The following DLG2 variants were observed in gnomAD, a reference collection of about 807,000 sequenced individuals.
DLG2 encodes disks large homolog 2.
A neutral mutation model predicts 132.5 loss-of-function variants in DLG2; 45 were observed. The ratio of observed to expected loss-of-function variants is 0.34; its 90% CI spans 0.27 to 0.44. The LOEUF (loss-of-function observed/expected upper bound fraction) is 0.44, where lower values mean the gene tolerates loss of function less well. DLG2 is among the 20% of genes least tolerant of loss of function. The pLI is 1.00. For missense variants in DLG2, 1,045 were observed against 1,196.9 expected (o/e 0.87, Z 1.87); for synonymous variants, 424 against 419.6 (o/e 1.01, Z -0.13).
chr11:83,590,348 G>T (rs564030625), intron 19 of DLG2, among the ~76,000 whole-genome samples: 7 of 152,072 alleles, frequency 4.6e-5, no homozygotes, highest in Non-Finnish European at 7.4e-5. Flanking sequence ...ACTCAAAACC[G>T]CTCAACTACA....
chr11:85,487,592 T>G lies in DLG2; in HGVS notation c.40+111065A>C, dbSNP rs181546794. Among the ~76,000 whole-genome samples, 10 of 151,922 alleles carry G rather than the reference T, an allele frequency of 6.6e-5. No homozygotes were observed. In the East Asian group the frequency reaches 1.9e-3, roughly 29 times the overall value. ...CAAGCAGAAGAAACAATTTCATAAC[T>G]TGAAGACAGGTATTTTGAAATAATC... On this transcript the variant is annotated intron_variant, in intron 3 of 27. Coordinates refer to ENST00000376104, the MANE Select transcript of DLG2 (RefSeq NM_001142699.3).
intron 6 of DLG2, among the ~76,000 whole-genome samples, chr11:84,871,349 C>T (rs1328479056): frequency 6.6e-6 from 1 of 152,134 alleles, no homozygotes; most frequent in Non-Finnish European, 1.5e-5. Context: ...CTCAGGACTT[C>T]CAGAAAGCAT....
intron 6 of DLG2, among the ~76,000 whole-genome samples, chr11:85,040,163 C>T (rs1035896670): frequency 6.6e-6 from 1 of 151,904 alleles, no homozygotes; most frequent in African/African-American, 2.4e-5. Flanking sequence ...CCCTGGGTTG[C>T]ATTTTCCCCT....
intron 4 of DLG2, among the ~76,000 whole-genome samples, chr11:85,239,465 C>G (rs2075767820): frequency 6.6e-6 from 1 of 151,996 alleles, no homozygotes; most frequent in Admixed American, 6.6e-5. Flanking sequence ...ACATACCTGA[C>G]TTCCTCCTAA....
chr11:83,792,918 T>C (rs1026874486), intron 17 of DLG2, among the ~76,000 whole-genome samples: 7 of 152,242 alleles, frequency 4.6e-5, no homozygotes, highest in African/African-American at 1.4e-4. Context: ...TAATATACGA[T>C]TTTCAACTTC....
At chr11:84,849,090 G>T (rs1441483705) in intron 6 of DLG2, among the ~76,000 whole-genome samples, 1 of 152,164 alleles carries the variant, frequency 6.6e-6, no homozygotes, top group Non-Finnish European at 1.5e-5. Context: ...GGAGAAACAA[G>T]TGGAAAGATG....
intron 6 of DLG2, among the ~76,000 whole-genome samples, chr11:84,553,335 A>G (rs1470764735): frequency 6.6e-6 from 1 of 152,202 alleles, no homozygotes; most frequent in Admixed American, 6.5e-5. Flanking sequence ...AGAAAACGCA[A>G]TGACCAGTGA....
rs775478565 is a variant in DLG2, at chr11:84,098,943, T to C, written c.729A>G (p.Ala243=). 7.4e-5 allele frequency: 119 copies of C among 1,613,318 alleles called. No individual in the cohort carries two copies. The highest frequency in any genetic ancestry group is 1.7e-4 in the Middle Eastern group (1 of 5,966). ...FITKIIPGGA[A]AEDGRLRVND... ...TTTACCTGAGTCTGCCATCCTCTGCTGCAGCACCTCCTGGTATAATCTTCG... is the reference window on the plus strand; with the variant it reads ...TTTACCTGAGTCTGCCATCCTCTGCCGCAGCACCTCCTGGTATAATCTTCG... Residue 243 remains alanine, a synonymous_variant, in exon 10 of 28, where the codon GCA becomes GCG. Coordinates refer to ENST00000376104, the MANE Select transcript of DLG2 (RefSeq NM_001142699.3).
intron 21 of DLG2, among the ~76,000 whole-genome samples, chr11:83,524,878 G>A (rs11233658): frequency 0.082 from 12,552 of 152,148 alleles, 720 homozygotes; most frequent in African/African-American, 0.16. Context: ...TTTAGAAACT[G>A]AAATATATTG....
intron 4 of DLG2, among the ~76,000 whole-genome samples, chr11:85,249,968 C>G (rs1460950909): frequency 6.6e-6 from 1 of 151,836 alleles, no homozygotes; most frequent in Non-Finnish European, 1.5e-5. Flanking sequence ...GGAACATTGT[C>G]CTTACTCTAA....
At chr11:85,504,084 T>A (rs1182824764) in intron 3 of DLG2, among the ~76,000 whole-genome samples, 1 of 152,238 alleles carries the variant, frequency 6.6e-6, no homozygotes, top group Admixed American at 6.5e-5. Flanking sequence ...GTAAATTTGT[T>A]TAAGTTCTTT....
intron 21 of DLG2, among the ~76,000 whole-genome samples, chr11:83,523,363 T>G (rs951329804): frequency 6.6e-6 from 1 of 152,220 alleles, no homozygotes; most frequent in African/African-American, 2.4e-5. Context: ...AACTCCTATT[T>G]ATATTACTTT....
At chr11:84,498,711 C>T (rs2099193010) in intron 7 of DLG2, among the ~76,000 whole-genome samples, 1 of 152,122 alleles carries the variant, frequency 6.6e-6, no homozygotes, top group Non-Finnish European at 1.5e-5. Context: ...ATCTTACTTC[C>T]TAGCATTCTT....
At chr11:85,228,364 A>G (rs532777179) in intron 4 of DLG2, among the ~76,000 whole-genome samples, 19 of 152,152 alleles carry the variant, frequency 1.2e-4, no homozygotes, top group African/African-American at 4.6e-4. Context: ...AGTATTTCAC[A>G]TGATAGAAAT....
chr11:83,796,709 T>C lies in DLG2; in HGVS notation c.1723-9917A>G, dbSNP rs77433423. ...GTTCACTGTACTATCTTTTAATGTG[T>C]GCCTACCGTAGTGCCTAGAGATAAA... On this transcript the variant is annotated intron_variant, in intron 17 of 27. Coordinates refer to ENST00000376104, the MANE Select transcript of DLG2 (RefSeq NM_001142699.3). Among the ~76,000 whole-genome samples, 1,111 of 152,320 alleles carry C rather than the reference T, an allele frequency of 7.3e-3. 10 individuals carry two copies. The highest frequency in any genetic ancestry group is 0.028 in the East Asian group (144 of 5,178).
At chr11:84,975,820 T>A (rs998568666) in intron 6 of DLG2, among the ~76,000 whole-genome samples, 2 of 152,186 alleles carry the variant, frequency 1.3e-5, no homozygotes, top group Non-Finnish European at 2.9e-5. Flanking sequence ...CTGCATCTGG[T>A]TGATCTGCAC....
chr11:85,443,084 A>C (rs1012394626), intron 3 of DLG2, among the ~76,000 whole-genome samples: 2 of 152,254 alleles, frequency 1.3e-5, no homozygotes, highest in Non-Finnish European at 2.9e-5. Context: ...GTGAAAAAAA[A>C]GAATTGAAAA....
intron 3 of DLG2, among the ~76,000 whole-genome samples, chr11:85,569,492 T>C (rs1183069928): frequency 6.6e-6 from 1 of 152,188 alleles, no homozygotes; most frequent in Admixed American, 6.6e-5. Flanking sequence ...AATTTAAGAG[T>C]GTATTATTTA....
intron 6 of DLG2, among the ~76,000 whole-genome samples, chr11:84,976,315 A>T (rs1040968123): frequency 1.4e-4 from 22 of 152,112 alleles, no homozygotes; most frequent in Admixed American, 4.6e-4. Flanking sequence ...TACCAATTGA[A>T]CTAATTAAAC....
Sources: allele counts gnomAD v4.1 joint callset (sites outside exome capture counted in the v4.1 genomes callset), GRCh38; gene constraint gnomAD v4.1.1; transcripts MANE v1.5; gene names NCBI Gene and HGNC (gene_info 2026-07-23, HGNC 2026-07-21).